The following PPP1R37 variants were observed in gnomAD, a reference collection of about 807,000 sequenced individuals.
PPP1R37 encodes leucine rich repeat containing 68.
PPP1R37 carries 21 observed loss-of-function variants against 61.0 expected under a neutral mutation model. That is an observed-to-expected ratio of 0.34 (90% CI 0.24 to 0.50). PPP1R37 has a LOEUF of 0.50. PPP1R37 is among the 20% of genes least tolerant of loss of function. The pLI is 0.98. For missense variants in PPP1R37, 910 were observed against 952.7 expected, an observed-to-expected ratio of 0.96 and a Z score of 0.59; for synonymous variants, 443 against 433.5, an observed-to-expected ratio of 1.02 and a Z score of -0.27.
At position 45,145,528 on chromosome 19, in the gene PPP1R37, G is replaced by A. The variant is rs1221749895; in HGVS notation, c.1472G>A (p.Gly491Glu). 1.3e-6 allele frequency: 2 copies of A among 1,534,362 alleles called. No homozygotes were observed. Among genetic ancestry groups the A allele is most frequent in the Admixed American group, 2.0e-5 (1 of 50,890 alleles). The change falls in exon 11 of 13, where the codon GGG becomes GAG. Residue 491 changes from glycine (G) to glutamate (E), a missense_variant. Physicochemically the swap from Gly to Glu is moderately conservative, Grantham distance 98. This residue lies in a region of PPP1R37 where 549 missense variants were observed against 505.1 expected (regional missense o/e 1.09). Coordinates refer to ENST00000221462, the MANE Select transcript of PPP1R37 (RefSeq NM_019121.2). The part of the protein sequence containing the change: ...EPQPDDEPAA[G>E]VQNGAPSPAP... ...CAGCCCGACGACGAGCCCGCCGCTGGGGTGCAGAACGGGGCCCCCAGCCCC... is the reference window on the plus strand; with the variant it reads ...CAGCCCGACGACGAGCCCGCCGCTGAGGTGCAGAACGGGGCCCCCAGCCCC...
intron 1 of PPP1R37, chr19:45,128,558 G>A (rs17643262): frequency 0.097 from 119,884 of 1,241,044 alleles, 6,660 homozygotes; most frequent in Admixed American, 0.17. Context: ...TGGAATCGAA[G>A]CCTCTTAAAA....
chr19:45,109,252 G>A (rs1471887998), intron 1 of PPP1R37, among the ~76,000 whole-genome samples: 9 of 152,204 alleles, frequency 5.9e-5, no homozygotes, highest in Non-Finnish European at 1.2e-4. Context: ...GGACAGGGGT[G>A]CAGGACACTA....
chr19:45,111,258 A>AATGATT (rs564790173), intron 1 of PPP1R37, among the ~76,000 whole-genome samples: 3 of 149,320 alleles, frequency 2.0e-5, no homozygotes, highest in African/African-American at 7.4e-5. Flanking sequence ...TCTGCTTTTT[A>AATGATT]ATTATTATTA....
At chr19:45,144,693 A>T (rs756579804) in intron 8 of PPP1R37, 161 bp from the exon 9 acceptor site, 16 of 615,962 alleles carry the variant, frequency 2.6e-5, no homozygotes, top group Non-Finnish European at 4.3e-5. Context: ...ACTTCAGGCC[A>T]GGCCTGCGGC....
At chr19:45,098,000 G>A (rs1019999645) in intron 1 of PPP1R37, among the ~76,000 whole-genome samples, 1 of 152,194 alleles carries the variant, frequency 6.6e-6, no homozygotes, top group Non-Finnish European at 1.5e-5. Context: ...GCAGAGCATT[G>A]TGTTTCCTCA....
chr19:45,140,822 A>T (rs1254732736), intron 4 of PPP1R37, among the ~76,000 whole-genome samples: 2 of 152,144 alleles, frequency 1.3e-5, no homozygotes, highest in African/African-American at 4.8e-5. Context: ...CACCCTCATA[A>T]GCAAGGAGAG....
intron 1 of PPP1R37, chr19:45,128,555 G>A (rs1284710443): frequency 1.4e-5 from 17 of 1,239,094 alleles, no homozygotes; most frequent in African/African-American, 7.5e-5. Context: ...AGCTGGAATC[G>A]AAGCCTCTTA....
At chr19:45,111,460 A>G (rs1431457693) in intron 1 of PPP1R37, among the ~76,000 whole-genome samples, 1 of 152,074 alleles carries the variant, frequency 6.6e-6, no homozygotes, top group Non-Finnish European at 1.5e-5. Flanking sequence ...TTTTTTTAGT[A>G]GAGACAAGGT....
intron 1 of PPP1R37, among the ~76,000 whole-genome samples, chr19:45,112,072 G>T (rs770187532): frequency 2.0e-5 from 3 of 151,810 alleles, no homozygotes; most frequent in Non-Finnish European, 4.4e-5. Context: ...GAATTCAGGC[G>T]ATTCTCCTGC....
chr19:45,105,932 G>A (rs1027619480), intron 1 of PPP1R37, among the ~76,000 whole-genome samples: 1 of 152,230 alleles, frequency 6.6e-6, no homozygotes, highest in Non-Finnish European at 1.5e-5. Context: ...CAGGGACAGC[G>A]CCCTCATGGA....
At chr19:45,100,839 C>T (rs1968054125) in intron 1 of PPP1R37, among the ~76,000 whole-genome samples, 1 of 152,126 alleles carries the variant, frequency 6.6e-6, no homozygotes, top group Non-Finnish European at 1.5e-5. Flanking sequence ...AGCTTGAGTC[C>T]CTGGAGATTT....
chr19:45,138,072 A>G (rs902475595), intron 1 of PPP1R37, among the ~76,000 whole-genome samples: 10 of 152,112 alleles, frequency 6.6e-5, no homozygotes, highest in African/African-American at 1.9e-4. Context: ...GCAGTGAGCC[A>G]TGTTCTCACC....
At chr19:45,110,868 A>T (rs999642007) in intron 1 of PPP1R37, among the ~76,000 whole-genome samples, 1 of 152,196 alleles carries the variant, frequency 6.6e-6, no homozygotes, top group Non-Finnish European at 1.5e-5. Flanking sequence ...TTCTGAATTC[A>T]GATGGCCATC....
chr19:45,123,097 C>T (rs916126555), intron 1 of PPP1R37, among the ~76,000 whole-genome samples: 1 of 151,910 alleles, frequency 6.6e-6, no homozygotes, highest in Non-Finnish European at 1.5e-5. Flanking sequence ...GCCTCCATGT[C>T]CCCTCCCTCC....
chr19:45,146,760 C>G lies in PPP1R37; in HGVS notation c.*198C>G. On this transcript the variant is annotated 3_prime_UTR_variant, in exon 13 of 13. Coordinates refer to ENST00000221462, the MANE Select transcript of PPP1R37 (RefSeq NM_019121.2). ...TGGCCCTCCGCGCGTGACTCAAGCA[C>G]TTCTATTTATGAGCCCAGCACTGGA... is the stretch of plus-strand genomic sequence containing the variant. 2.7e-6 allele frequency: 1 copy of G among 370,464 alleles called. No homozygotes were observed. Among genetic ancestry groups the G allele is most frequent in the Non-Finnish European group, 5.1e-6 (1 of 195,054 alleles). 22.9% of individuals were successfully genotyped at this position (370,464 alleles called of 1,614,324 possible).
intron 1 of PPP1R37, among the ~76,000 whole-genome samples, chr19:45,118,003 G>A (rs553015730): frequency 2.6e-5 from 4 of 152,196 alleles, no homozygotes; most frequent in Non-Finnish European, 4.4e-5. Flanking sequence ...GGTGCCCAGC[G>A]GTTGTTCACT....
chr19:45,116,544 G>A (rs377279816), intron 1 of PPP1R37, among the ~76,000 whole-genome samples: 3 of 152,222 alleles, frequency 2.0e-5, no homozygotes, highest in Admixed American at 6.5e-5. Flanking sequence ...AGGAGGGCAC[G>A]GGGGTCTGAG....
At chr19:45,098,297 A>T (rs1044283767) in intron 1 of PPP1R37, among the ~76,000 whole-genome samples, 1 of 152,234 alleles carries the variant, frequency 6.6e-6, no homozygotes, top group African/African-American at 2.4e-5. Context: ...GGCCAGACTT[A>T]CACAAGGAAC....
chr19:45,113,158 C>G (rs866302353), intron 1 of PPP1R37, among the ~76,000 whole-genome samples: 3 of 152,182 alleles, frequency 2.0e-5, no homozygotes, highest in African/African-American at 7.2e-5. Context: ...CCACCCGGCC[C>G]TCTGGGAGCT....
Sources: allele counts gnomAD v4.1 joint callset (sites outside exome capture counted in the v4.1 genomes callset), GRCh38; gene constraint gnomAD v4.1.1; regional missense constraint gnomAD v4.1.1; transcripts MANE v1.5; gene names NCBI Gene and HGNC (gene_info 2026-07-23, HGNC 2026-07-21).